Variants in ZCCHC7 observed in about 807,000 individuals in gnomAD.
The protein encoded by ZCCHC7 is zinc finger CCHC-type containing 7, also known as zinc finger CCHC domain-containing protein 7.
Under a neutral mutation model 52.0 loss-of-function variants are expected in ZCCHC7, and 35 were observed. The ratio of observed to expected loss-of-function variants is 0.67; its 90% CI spans 0.51 to 0.89. ZCCHC7 has a LOEUF of 0.89. ZCCHC7 is among the 40% of genes least tolerant of loss of function. ZCCHC7 has a pLI of 0.00. For synonymous variants in ZCCHC7, 217 were observed against 221.5 expected (o/e 0.98, Z 0.18); for missense variants, 574 against 649.1 (o/e 0.88, Z 1.26).
intron 2 of ZCCHC7, among the ~76,000 whole-genome samples, chr9:37,146,157 A>T (rs1007267438): frequency 6.6e-5 from 10 of 151,820 alleles, no homozygotes; most frequent in Non-Finnish European, 1.3e-4. Flanking sequence ...AGATTATATC[A>T]TTGTATTAAG....
intron 2 of ZCCHC7, among the ~76,000 whole-genome samples, chr9:37,137,385 A>G (rs1245243733): frequency 2.0e-5 from 3 of 152,202 alleles, no homozygotes; most frequent in Admixed American, 6.5e-5. Context: ...TAAAAATAGA[A>G]GGTGAAGCCC....
chr9:37,230,659 A>G (rs1263342043), intron 2 of ZCCHC7, among the ~76,000 whole-genome samples: 1 of 152,196 alleles, frequency 6.6e-6, no homozygotes, highest in African/African-American at 2.4e-5. Context: ...TATAAGCACC[A>G]TGAGAATAGG....
At chr9:37,250,700 T>A (rs1442546170) in intron 2 of ZCCHC7, among the ~76,000 whole-genome samples, 1 of 152,246 alleles carries the variant, frequency 6.6e-6, no homozygotes, top group East Asian at 1.9e-4. Flanking sequence ...TAGCTCAGAA[T>A]AGAGTTCCTT....
intron 2 of ZCCHC7, among the ~76,000 whole-genome samples, chr9:37,199,440 T>A (rs1823477853): frequency 6.7e-6 from 1 of 149,970 alleles, no homozygotes. Context: ...CAAGCGATTC[T>A]CCTGCCTCAG....
chr9:37,228,693 A>G (rs1825241895), intron 2 of ZCCHC7, among the ~76,000 whole-genome samples: 1 of 151,960 alleles, frequency 6.6e-6, no homozygotes, highest in African/African-American at 2.4e-5. Context: ...TGATGAGAAA[A>G]TATATTGATA....
intron 6 of ZCCHC7, among the ~76,000 whole-genome samples, chr9:37,340,719 A>G (rs1219280994): frequency 6.6e-6 from 1 of 152,188 alleles, no homozygotes; most frequent in African/African-American, 2.4e-5. Flanking sequence ...TTTTTGTTAG[A>G]TCATAGTATG....
chr9:37,310,161 T>G (rs1829526051), intron 5 of ZCCHC7, among the ~76,000 whole-genome samples: 1 of 152,178 alleles, frequency 6.6e-6, no homozygotes, highest in Non-Finnish European at 1.5e-5. Flanking sequence ...TTCCAGAGTT[T>G]TATGAGGTGA....
chr9:37,324,469 CT>C (rs1830164006), intron 5 of ZCCHC7, among the ~76,000 whole-genome samples: 1 of 152,160 alleles, frequency 6.6e-6, no homozygotes, highest in Non-Finnish European at 1.5e-5. Flanking sequence ...GAGGAAGAAG[CT>C]TTTGATAATT....
chr9:37,316,615 G>A (rs1038619455), intron 5 of ZCCHC7, among the ~76,000 whole-genome samples: 2 of 152,142 alleles, frequency 1.3e-5, no homozygotes, highest in South Asian at 4.1e-4. Context: ...ATGAGCCAAT[G>A]TGTCCAGCCA....
At chr9:37,152,682 G>A (rs563433511) in intron 2 of ZCCHC7, among the ~76,000 whole-genome samples, 58 of 152,286 alleles carry the variant, frequency 3.8e-4, no homozygotes, top group Middle Eastern at 3.4e-3. Context: ...AAATAAAGTA[G>A]CATTCTTATC....
chr9:37,150,229 C>T (rs1820443160), intron 2 of ZCCHC7, among the ~76,000 whole-genome samples: 1 of 152,120 alleles, frequency 6.6e-6, no homozygotes, highest in South Asian at 2.1e-4. Flanking sequence ...CTGTACACCA[C>T]AGTATTTTAC....
chr9:37,228,647 G>A (rs1036730613), intron 2 of ZCCHC7, among the ~76,000 whole-genome samples: 35 of 152,054 alleles, frequency 2.3e-4, no homozygotes, highest in African/African-American at 8.4e-4. Flanking sequence ...GTGATTACTG[G>A]TGTGAGCCCC....
At chr9:37,197,670 C>T (rs1823359164) in intron 2 of ZCCHC7, among the ~76,000 whole-genome samples, 1 of 152,092 alleles carries the variant, frequency 6.6e-6, no homozygotes, top group African/African-American at 2.4e-5. Context: ...AAATGAATGT[C>T]CTGGCTTTTA....
intron 2 of ZCCHC7, among the ~76,000 whole-genome samples, chr9:37,137,212 T>C (rs577869984): frequency 6.6e-6 from 1 of 152,038 alleles, no homozygotes; most frequent in East Asian, 1.9e-4. Flanking sequence ...TACAAATATA[T>C]GAGATGCTCC....
chr9:37,278,903 A>C (rs1432885292), intron 2 of ZCCHC7, among the ~76,000 whole-genome samples: 44 of 152,156 alleles, frequency 2.9e-4, no homozygotes, highest in Non-Finnish European at 4.4e-5. Flanking sequence ...GTGAGAAAGG[A>C]CCAGATGCGG....
intron 6 of ZCCHC7, among the ~76,000 whole-genome samples, chr9:37,337,559 G>A (rs186392014): frequency 7.2e-5 from 11 of 152,136 alleles, no homozygotes; most frequent in Non-Finnish European, 1.5e-4. Flanking sequence ...GTTTCCAGGC[G>A]GATTTGAATT....
At chr9:37,212,906 A>T (rs1195024637) in intron 2 of ZCCHC7, among the ~76,000 whole-genome samples, 1 of 152,100 alleles carries the variant, frequency 6.6e-6, no homozygotes, top group Non-Finnish European at 1.5e-5. Context: ...GACTTCTCTG[A>T]GACATACCTT....
At chr9:37,272,635 C>T (rs1827482353) in intron 2 of ZCCHC7, among the ~76,000 whole-genome samples, 1 of 151,812 alleles carries the variant, frequency 6.6e-6, no homozygotes, top group South Asian at 2.1e-4. Flanking sequence ...AAATCAATCA[C>T]TTCTTTGCTT....
chr9:37,132,996 G>C (rs562714697), intron 2 of ZCCHC7, among the ~76,000 whole-genome samples: 1 of 152,152 alleles, frequency 6.6e-6, no homozygotes. Context: ...AATTAGCCCA[G>C]TGTGGTGGTG....
Sources: gnomAD v4.1 joint callset for allele counts (sites outside exome capture counted in the v4.1 genomes callset) on GRCh38, gnomAD v4.1.1 for gene constraint, MANE v1.5 for transcripts, NCBI Gene and HGNC (gene_info 2026-07-23, HGNC 2026-07-21) for gene names.